Variants in LPIN1 observed in about 807,000 individuals in gnomAD.
LPIN1 encodes lipin 1, also known as phosphatidate phosphatase LPIN1.
LPIN1 carries 71 observed loss-of-function variants against 107.5 expected under a neutral mutation model. That is an observed-to-expected ratio of 0.66 (90% CI 0.55 to 0.80). LPIN1 has a LOEUF of 0.80. Ranked by LOEUF, LPIN1 falls within the 30% of genes least tolerant of loss-of-function variation. The pLI is 0.00. For synonymous variants in LPIN1, 445 were observed against 452.6 expected, an observed-to-expected ratio of 0.98 and a Z score of 0.21; for missense variants, 1,043 against 1,160.6, an observed-to-expected ratio of 0.90 and a Z score of 1.47.
In LPIN1 at chr2:11,771,234, C is replaced by T; in HGVS notation, c.289-138C>T. On this transcript the variant is annotated intron_variant, in intron 3 of 20. Transcript: ENST00000674199. This position sits in a 1 kb window ranked among gnomAD's most constrained non-coding sequence, Gnocchi z 4.8. ...ATCTCCAGGTCACCATGGCTGTGGC[C>T]TCTAGCTGGGCCATCTGCTGTGGCC... is the stretch of plus-strand genomic sequence containing the variant. 1 of 778,442 alleles carries T rather than the reference C, an allele frequency of 1.3e-6. No homozygotes were observed. Among genetic ancestry groups the T allele is most frequent in the Non-Finnish European group, 2.2e-6 (1 of 459,934 alleles). 48.2% of individuals were successfully genotyped at this position (778,442 alleles called of 1,614,324 possible). A position where few individuals can be genotyped will look rare whatever the true frequency, so the allele number is the denominator to read the frequency against.
chr2:11,746,600 G>T (rs1004529356), upstream of LPIN1: 12 of 984,806 alleles, frequency 1.2e-5, no homozygotes, highest in South Asian at 3.3e-4. Context: ...GCCCCCGAAG[G>T]CGAGCTGCGC....
chr2:11,695,270 A>G (rs1198119337), intron 1 of LPIN1, among the ~76,000 whole-genome samples: 1 of 152,238 alleles, frequency 6.6e-6, no homozygotes, highest in Non-Finnish European at 1.5e-5. Flanking sequence ...GCCCAAGGCT[A>G]AAAGTGCAAT....
At chr2:11,759,621 T>G (rs1669321763) in intron 1 of LPIN1, among the ~76,000 whole-genome samples, 1 of 152,252 alleles carries the variant, frequency 6.6e-6, no homozygotes, top group East Asian at 1.9e-4. Context: ...TCTCTATCTT[T>G]TCCCCACATT....
upstream of LPIN1, among the ~76,000 whole-genome samples, chr2:11,744,552 G>A (rs1419120519): frequency 6.6e-6 from 1 of 152,170 alleles, no homozygotes; most frequent in African/African-American, 2.4e-5. Flanking sequence ...AGCCGTGCTG[G>A]GCCCCCCAGC....
At chr2:11,781,878 A>T (rs1209169854) in intron 7 of LPIN1, among the ~76,000 whole-genome samples, 1 of 152,230 alleles carries the variant, frequency 6.6e-6, no homozygotes, top group Non-Finnish European at 1.5e-5. Context: ...GCTGTAATTC[A>T]TTTATTCTCA....
rs149315815 is a variant in LPIN1, at chr2:11,826,194, T to C, written c.*1403T>C. On this transcript the variant is annotated 3_prime_UTR_variant, in exon 21 of 21. Coordinates refer to ENST00000674199, the MANE Select transcript of LPIN1 (RefSeq NM_001349206.2). Reference sequence around the variant, plus strand: ...CATTTTCCTATTTAAATTTCATTGTTAGAATCACAGGAGGCAAAAAATGGA... The same window carrying C: ...CATTTTCCTATTTAAATTTCATTGTCAGAATCACAGGAGGCAAAAAATGGA... The C allele has an allele frequency of 4.6e-5, 7 of 152,740 alleles. No individual in the cohort carries two copies. In the East Asian group the frequency reaches 1.2e-3, roughly 25 times the overall value. 9.5% of individuals were successfully genotyped at this position (152,740 alleles called of 1,614,324 possible).
chr2:11,735,126 T>C (rs1020481125), intron 1 of LPIN1, among the ~76,000 whole-genome samples: 8 of 152,048 alleles, frequency 5.3e-5, no homozygotes, highest in Non-Finnish European at 1.2e-4. Flanking sequence ...ACCCCGTCTC[T>C]ACTAAAAATA....
chr2:11,757,510 C>T (rs1285437876), intron 1 of LPIN1, among the ~76,000 whole-genome samples: 1 of 152,178 alleles, frequency 6.6e-6, no homozygotes, highest in Non-Finnish European at 1.5e-5. Flanking sequence ...CTGGTTTATT[C>T]TTGTATTCTT....
chr2:11,805,527 T>C, intron 17 of LPIN1: 1 of 340,550 alleles, frequency 2.9e-6, no homozygotes, highest in Non-Finnish European at 5.6e-6. Context: ...TTCTGTAGAC[T>C]AAAAAGTTGC....
chr2:11,710,072 C>T (rs1663331307), intron 1 of LPIN1, among the ~76,000 whole-genome samples: 6 of 152,172 alleles, frequency 3.9e-5, no homozygotes, highest in African/African-American at 2.4e-5. Flanking sequence ...CTTTCAAGTA[C>T]ATTTTCCATC....
chr2:11,688,313 G>A (rs1662107031), intron 1 of LPIN1, among the ~76,000 whole-genome samples: 1 of 152,050 alleles, frequency 6.6e-6, no homozygotes, highest in Non-Finnish European at 1.5e-5. Context: ...AGTCACCCCA[G>A]GGCTCCTTGC....
rs114246212 is a variant in LPIN1 at position 11,702,131 on chromosome 2, C to T, written c.82-11625C>T. Among the ~76,000 whole-genome samples, 277 of 152,246 alleles carry T rather than the reference C, an allele frequency of 1.8e-3. 1 individual carries two copies. Among genetic ancestry groups the T allele is most frequent in the African/African-American group, 6.4e-3 (266 of 41,542 alleles). ...CACGGGTCCCTAAAGACAGGAGGCA[C>T]GCCACGTCACACAAGGCCACATGGG... On this transcript the variant is annotated intron_variant, in intron 1 of 21. Transcript: ENST00000449576.
chr2:11,787,766 C>T (rs932530972), intron 11 of LPIN1, among the ~76,000 whole-genome samples: 1 of 151,916 alleles, frequency 6.6e-6, no homozygotes. Flanking sequence ...ACGGTGAAAC[C>T]CCGTCTCTAC....
intron 1 of LPIN1, among the ~76,000 whole-genome samples, chr2:11,688,413 T>TAACA (rs1269244144): frequency 6.6e-6 from 1 of 152,146 alleles, no homozygotes; most frequent in East Asian, 1.9e-4. Context: ...CAGCACGGAG[T>TAACA]AACAGTCTTC....
intron 1 of LPIN1, among the ~76,000 whole-genome samples, chr2:11,754,921 G>A (rs1411128880): frequency 6.6e-6 from 1 of 151,760 alleles, no homozygotes; most frequent in African/African-American, 2.4e-5. Flanking sequence ...GCATTGTCTT[G>A]TGAAATTTAT....
In LPIN1 at chr2:11,707,474, C is replaced by T. The variant is rs971825572; in HGVS notation, c.82-6282C>T. Among the ~76,000 whole-genome samples the T allele has an allele frequency of 1.4e-4, 22 of 152,148 alleles. No homozygotes were observed. Among genetic ancestry groups the T allele is most frequent in the Admixed American group, 1.4e-3 (22 of 15,278 alleles). On this transcript the variant is annotated intron_variant, in intron 1 of 21. Transcript: ENST00000449576. This position sits in a 1 kb window ranked among gnomAD's most constrained non-coding sequence, Gnocchi z 4.2. ...GGGCCCTGGAATTTACTGAGCAGAC[C>T]GGGGAGCACGGGAAGTTTTGAGCTG...
intron 17 of LPIN1, among the ~76,000 whole-genome samples, chr2:11,806,536 G>A (rs776586972): frequency 6.0e-4 from 92 of 152,178 alleles, no homozygotes; most frequent in Non-Finnish European, 1.1e-3. Context: ...TTCGAATCCA[G>A]CCTGGGCAAC....
intron 20 of LPIN1, 80 bp downstream of exon 20, chr2:11,820,594 C>G: frequency 2.1e-6 from 2 of 971,582 alleles, no homozygotes; most frequent in South Asian, 2.7e-5. Flanking sequence ...TGCGGTGTAC[C>G]TTTTCCCCTT....
intron 14 of LPIN1, among the ~76,000 whole-genome samples, chr2:11,802,542 G>T (rs1042007197): frequency 6.6e-6 from 1 of 152,172 alleles, no homozygotes; most frequent in African/African-American, 2.4e-5. Flanking sequence ...GACTCCTAGC[G>T]CTTGGCATGC....
Sources: gnomAD v4.1 joint callset for allele counts (sites outside exome capture counted in the v4.1 genomes callset) on GRCh38, gnomAD v4.1.1 for gene constraint, Gnocchi (gnomAD v3.1) non-coding constraint, MANE v1.5 for transcripts, NCBI Gene and HGNC (gene_info 2026-07-23, HGNC 2026-07-21) for gene names.